Variants in CEP57 observed in about 807,000 individuals in gnomAD.
CEP57 encodes centrosomal protein 57, also known as centrosomal protein of 57 kDa.
CEP57 carries 40 observed loss-of-function variants against 68.0 expected under a neutral mutation model. The ratio of observed to expected loss-of-function variants is 0.59; its 90% CI spans 0.46 to 0.77. The LOEUF (loss-of-function observed/expected upper bound fraction) is 0.77, where lower values mean the gene tolerates loss of function less well. Among genes scored for constraint, CEP57 ranks in the 30% least tolerant of loss-of-function variants. The probability of loss-of-function intolerance (pLI) is 0.00; values close to 1 mark genes in which losing one functional copy is unlikely to be tolerated. For missense variants in CEP57, 606 were observed against 580.7 expected (o/e 1.04, Z -0.45); for synonymous variants, 219 against 198.7 (o/e 1.10, Z -0.86).
At chr11:95,792,921 T>TA (rs1464168773) in intron 1 of CEP57, among the ~76,000 whole-genome samples, 8 of 130,514 alleles carry the variant, frequency 6.1e-5, no homozygotes, top group African/African-American at 1.8e-4. Flanking sequence ...TAGGCAACAT[T>TA]TAAAAAAAAA....
At chr11:95,823,289 T>G (rs2135357261) in intron 8 of CEP57, 1 of 152,356 alleles carries the variant, frequency 6.6e-6, no homozygotes, top group East Asian at 1.9e-4. Context: ...AATAAATTAG[T>G]GGTGACAAGC....
At chr11:95,799,929 C>T (rs901910380) in intron 2 of CEP57, among the ~76,000 whole-genome samples, 1 of 152,234 alleles carries the variant, frequency 6.6e-6, no homozygotes, top group South Asian at 2.1e-4. Context: ...ATATGCCTCA[C>T]CAGCTTCATC....
Position 95,799,084 on chromosome 11 carries a change from C to G in CEP57, c.46-148C>G, listed in dbSNP as rs536112498. On this transcript the variant is annotated intron_variant, in intron 1 of 10. Transcript: ENST00000325542. ...ATGAAACACTTTAAAAGTTGTATTT[C>G]TTTAATGATTGAATTGTATTGTTTC... 2.0e-5 allele frequency: 15 copies of G among 768,344 alleles called. No individual in the cohort carries two copies. In the South Asian group the frequency reaches 2.2e-4, roughly 11 times the overall value. The allele number at this position is 768,344 out of a possible 1,614,324, so 47.6% of individuals were successfully genotyped here. A position where few individuals can be genotyped will look rare whatever the true frequency, so the allele number is the denominator to read the frequency against.
intron 8 of CEP57, chr11:95,826,327 A>G (rs2135368301): frequency 6.6e-6 from 1 of 152,362 alleles, no homozygotes; most frequent in African/African-American, 2.4e-5. Flanking sequence ...ACAGCAGGCT[A>G]TTACATTTTA....
At chr11:95,822,151 A>T in intron 7 of CEP57, 173 bp downstream of exon 7, 1 of 626,730 alleles carries the variant, frequency 1.6e-6, no homozygotes, top group Non-Finnish European at 2.9e-6. Flanking sequence ...TTTTATCCTG[A>T]TAGTGAGAAA....
chr11:95,814,317 G>A (rs1862206493), intron 4 of CEP57, among the ~76,000 whole-genome samples: 1 of 151,486 alleles, frequency 6.6e-6, no homozygotes, highest in Non-Finnish European at 1.5e-5. Flanking sequence ...CCAAAGTTCT[G>A]GGATTACGGG....
Position 95,790,725 on chromosome 11 carries a change from T to C in CEP57, c.27T>C (p.Ala9=). The C allele has an allele frequency of 1.2e-6, 2 of 1,614,118 alleles. No homozygotes were observed. Among genetic ancestry groups the C allele is most frequent in the Non-Finnish European group, 1.7e-6 (2 of 1,180,004 alleles). The change falls in exon 1 of 11, where the codon GCT becomes GCC. Residue 9 remains alanine, a synonymous_variant. Transcript: ENST00000325542. MAAASVSA[A]SGSHLSNSFA... Reference sequence around the variant, plus strand: ...TGGCGGCGGCGTCTGTCTCTGCGGCTTCTGGTTCTCACTTGTCGGTAAGAA... The same window carrying C: ...TGGCGGCGGCGTCTGTCTCTGCGGCCTCTGGTTCTCACTTGTCGGTAAGAA...
intron 2 of CEP57, among the ~76,000 whole-genome samples, chr11:95,809,578 G>A (rs1412144687): frequency 2.6e-5 from 4 of 152,098 alleles, no homozygotes; most frequent in South Asian, 2.1e-4. Flanking sequence ...ACATCTCTAC[G>A]CAAATAAACT....
intron 2 of CEP57, among the ~76,000 whole-genome samples, chr11:95,799,659 C>A (rs986147770): frequency 1.3e-5 from 2 of 152,070 alleles, no homozygotes; most frequent in African/African-American, 4.8e-5. Context: ...CCTTTTTTTG[C>A]TTCTGAAATA....
At chr11:95,817,734 TTTC>T in intron 4 of CEP57, 50 bp from the exon 5 acceptor site, 2 of 1,234,324 alleles carry the variant, frequency 1.6e-6, no homozygotes, top group Non-Finnish European at 2.4e-6. Context: ...GCTCAGTGTT[TTTC>T]TCTTTTTTGA....
In CEP57 at chr11:95,822,785, A is replaced by C. The variant is rs564364978; in HGVS notation, c.885+209A>C. 5.9e-5 allele frequency: 33 copies of C among 562,278 alleles called. 1 individual carries two copies. The Admixed American group carries it at 9.7e-4, about 17-fold the overall frequency. 34.8% of individuals were successfully genotyped at this position (562,278 alleles called of 1,614,324 possible). ...TGGGGAGGATACCTTAAAGTAGATA[A>C]AGTATATGTGGAAAGGAAGTGATAA... On this transcript the variant is annotated intron_variant, in intron 8 of 10. Coordinates refer to ENST00000325542, the MANE Select transcript of CEP57 (RefSeq NM_014679.5).
At chr11:95,814,684 C>T (rs1045556767) in intron 4 of CEP57, among the ~76,000 whole-genome samples, 1 of 152,122 alleles carries the variant, frequency 6.6e-6, no homozygotes, top group African/African-American at 2.4e-5. Context: ...TTTTTTAAAA[C>T]TTACTCCTTT....
intron 1 of CEP57, among the ~76,000 whole-genome samples, chr11:95,796,693 C>G (rs1016398634): frequency 2.0e-5 from 3 of 152,130 alleles, no homozygotes; most frequent in Non-Finnish European, 4.4e-5. Flanking sequence ...TGACACTGCC[C>G]AGATGTTGCT....
At position 95,827,833 on chromosome 11, in the gene CEP57, G is replaced by A; in HGVS notation, c.933G>A (p.Leu311=). The A allele has an allele frequency of 6.2e-7, 1 of 1,614,030 alleles. No individual in the cohort carries two copies. Among genetic ancestry groups the A allele is most frequent in the Non-Finnish European group, 8.5e-7 (1 of 1,179,990 alleles). The change falls in exon 9 of 11, where the codon TTG becomes TTA. Residue 311 remains leucine (L), a synonymous_variant. Coordinates refer to ENST00000325542, the MANE Select transcript of CEP57 (RefSeq NM_014679.5). Reference sequence around the variant, plus strand: ...TGGTAGCCAATGTTCAGCTTGTCTTGCATCTAATGAAGCAACACAGTAAAG... The same window carrying A: ...TGGTAGCCAATGTTCAGCTTGTCTTACATCTAATGAAGCAACACAGTAAAG... The part of the protein sequence containing the change: ...HAVVANVQLV[L]HLMKQHSKAL...
At chr11:95,794,760 T>C (rs1861267478) in intron 1 of CEP57, among the ~76,000 whole-genome samples, 1 of 152,202 alleles carries the variant, frequency 6.6e-6, no homozygotes, top group African/African-American at 2.4e-5. Context: ...TCTTCCTTTC[T>C]CCAAGGCCTT....
chr11:95,797,682 G>A (rs1052452201), intron 1 of CEP57, among the ~76,000 whole-genome samples: 7 of 151,998 alleles, frequency 4.6e-5, no homozygotes, highest in African/African-American at 1.7e-4. Context: ...ATACCACAGG[G>A]CATACAGATA....
At chr11:95,799,056 AAT>A (rs1861464004) in intron 1 of CEP57, among the ~76,000 whole-genome samples, 174 bp from the exon 2 acceptor site, 1 of 152,234 alleles carries the variant, frequency 6.6e-6, no homozygotes, top group African/African-American at 2.4e-5. Context: ...TATTCAGACT[AAT>A]ATGAAACACT....
chr11:95,792,626 A>AT (rs1019142518), intron 1 of CEP57, among the ~76,000 whole-genome samples: 22 of 152,194 alleles, frequency 1.4e-4, no homozygotes, highest in East Asian at 3.9e-4. Flanking sequence ...AGGAAAGCAT[A>AT]TTTTTTTTGT....
Position 95,831,297 on chromosome 11 carries a change from C to T in CEP57, c.*41C>T, listed in dbSNP as rs376853504. The T allele has an allele frequency of 2.2e-5, 30 of 1,349,094 alleles. No homozygotes were observed. The highest frequency in any genetic ancestry group is 1.8e-4 in the Middle Eastern group (1 of 5,524). The allele number at this position is 1,349,094 out of a possible 1,614,324, so 83.6% of individuals were successfully genotyped here. On this transcript the variant is annotated 3_prime_UTR_variant, in exon 11 of 11. Transcript: ENST00000325542. ...GAAATTTTATTCAGATAATCTGTAC[C>T]TCATCAATCAGATGATGACAATTTA...
Sources: allele counts gnomAD v4.1 joint callset (sites outside exome capture counted in the v4.1 genomes callset), GRCh38; gene constraint gnomAD v4.1.1; transcripts MANE v1.5; gene names NCBI Gene and HGNC (gene_info 2026-07-23, HGNC 2026-07-21).